TMTC2: variants seen among roughly 807,000 people sequenced by gnomAD.
TMTC2 encodes protein O-mannosyl-transferase TMTC2.
TMTC2 carries 43 observed loss-of-function variants against 82.4 expected under a neutral mutation model. The observed-to-expected ratio is 0.52, with a 90% CI of 0.41 to 0.67. TMTC2 has a LOEUF of 0.67. Among genes scored for constraint, TMTC2 ranks in the 30% least tolerant of loss-of-function variants. The probability of loss-of-function intolerance (pLI) is 0.00; values close to 1 mark genes in which losing one functional copy is unlikely to be tolerated. For synonymous variants in TMTC2, 408 were observed against 381.9 expected (o/e 1.07, Z -0.80); for missense variants, 919 against 1,012.4 (o/e 0.91, Z 1.25).
intron 1 of TMTC2, among the ~76,000 whole-genome samples, chr12:82,768,905 C>G (rs1877132080): frequency 6.6e-6 from 1 of 152,042 alleles, no homozygotes; most frequent in African/African-American, 2.4e-5. Context: ...CATGCTAATG[C>G]TTTTTCCTTA....
intron 11 of TMTC2, among the ~76,000 whole-genome samples, chr12:83,121,844 A>G (rs1240623281): frequency 1.4e-4 from 21 of 152,086 alleles, no homozygotes; most frequent in Non-Finnish European, 1.9e-4. Flanking sequence ...TGTTGGAGAT[A>G]GGGATGAGGT....
intron 1 of TMTC2, among the ~76,000 whole-genome samples, chr12:82,815,293 T>TTTAA (rs199636738): frequency 1.1e-4 from 17 of 150,562 alleles, no homozygotes; most frequent in South Asian, 8.4e-4. Context: ...ATTTATTTTT[T>TTTAA]TTAATTAATT....
intron 3 of TMTC2, among the ~76,000 whole-genome samples, chr12:82,917,513 A>G (rs1384242614): frequency 2.9e-4 from 44 of 152,248 alleles, no homozygotes; most frequent in Non-Finnish European, 1.3e-4. Context: ...AAACTGGATG[A>G]TAATGTAAGC....
chr12:82,935,119 T>G (rs2137250793), intron 4 of TMTC2, among the ~76,000 whole-genome samples: 1 of 152,262 alleles, frequency 6.6e-6, no homozygotes, highest in South Asian at 2.1e-4. Flanking sequence ...TGGTATAGAA[T>G]TTTGGTAAAA....
At chr12:82,986,132 C>G in intron 8 of TMTC2, 86 bp downstream of exon 8, 2 of 1,571,372 alleles carry the variant, frequency 1.3e-6, no homozygotes, top group Non-Finnish European at 1.7e-6. Context: ...GTTTTACAGC[C>G]AGTTATCTAA....
intron 4 of TMTC2, among the ~76,000 whole-genome samples, chr12:82,952,055 C>T (rs1201399058): frequency 6.6e-6 from 1 of 152,182 alleles, no homozygotes; most frequent in Non-Finnish European, 1.5e-5. Flanking sequence ...ATAGCTTTGT[C>T]TCTGGTATCT....
intron 1 of TMTC2, among the ~76,000 whole-genome samples, chr12:82,819,456 C>A (rs1283966407): frequency 6.7e-6 from 1 of 150,314 alleles, no homozygotes; most frequent in East Asian, 1.9e-4. Context: ...GAACTAGACA[C>A]TGTTGTTCAT....
chr12:83,057,694 A>G (rs1170023207), intron 10 of TMTC2, among the ~76,000 whole-genome samples: 2 of 151,740 alleles, frequency 1.3e-5, no homozygotes, highest in Non-Finnish European at 2.9e-5. Flanking sequence ...TTTTTATGTT[A>G]CATGAACAAC....
At chr12:82,916,876 T>G (rs1180531192) in intron 3 of TMTC2, among the ~76,000 whole-genome samples, 1 of 152,206 alleles carries the variant, frequency 6.6e-6, no homozygotes, top group African/African-American at 2.4e-5. Context: ...GAATTACATA[T>G]AAGTACATAG....
chr12:83,131,394 A>G (rs1885251959), intron 11 of TMTC2, among the ~76,000 whole-genome samples: 1 of 151,828 alleles, frequency 6.6e-6, no homozygotes, highest in Non-Finnish European at 1.5e-5. Context: ...AACTCATGCC[A>G]TGTAAAAAAC....
chr12:82,833,449 T>C (rs951713476), intron 1 of TMTC2, among the ~76,000 whole-genome samples: 3 of 152,230 alleles, frequency 2.0e-5, no homozygotes, highest in Non-Finnish European at 4.4e-5. Flanking sequence ...CAGTTTGGGC[T>C]CTGACAAGTC....
intron 11 of TMTC2, among the ~76,000 whole-genome samples, chr12:83,063,835 A>C (rs1416495520): frequency 6.6e-6 from 1 of 151,888 alleles, no homozygotes; most frequent in South Asian, 2.1e-4. Flanking sequence ...TATGTCAGAC[A>C]GTGATAAGTG....
chr12:82,915,221 T>C (rs1223487447), intron 3 of TMTC2, among the ~76,000 whole-genome samples: 1 of 152,190 alleles, frequency 6.6e-6, no homozygotes, highest in Non-Finnish European at 1.5e-5. Flanking sequence ...ATGTGGGTAT[T>C]GATTATAACT....
At chr12:83,058,710 C>T (rs886197456) in intron 10 of TMTC2, among the ~76,000 whole-genome samples, 2 of 151,822 alleles carry the variant, frequency 1.3e-5, no homozygotes, top group African/African-American at 4.8e-5. Flanking sequence ...CTACCTCACT[C>T]CTGGCTTTGT....
chr12:82,929,464 T>G (rs531393699), intron 3 of TMTC2, among the ~76,000 whole-genome samples: 24 of 152,312 alleles, frequency 1.6e-4, no homozygotes, highest in African/African-American at 5.5e-4. Flanking sequence ...CACAGGAGTT[T>G]TAAATTTCTT....
chr12:82,736,135 A>T (rs192190454), intron 1 of TMTC2, among the ~76,000 whole-genome samples: 1 of 152,340 alleles, frequency 6.6e-6, no homozygotes, highest in African/African-American at 2.4e-5. Context: ...AATGAGCAAT[A>T]GGATAAAGAA....
At chr12:82,876,067 T>C (rs1872513768) in intron 2 of TMTC2, among the ~76,000 whole-genome samples, 1 of 94,202 alleles carries the variant, frequency 1.1e-5, no homozygotes, top group South Asian at 3.3e-4. Context: ...GTGGTGGTGG[T>C]GATGATGATG....
chr12:83,122,439 T>C (rs893555373), intron 11 of TMTC2, among the ~76,000 whole-genome samples: 4 of 152,038 alleles, frequency 2.6e-5, no homozygotes, highest in African/African-American at 9.7e-5. Flanking sequence ...GAAGGACCCC[T>C]GTGAGGCCAG....
intron 8 of TMTC2, among the ~76,000 whole-genome samples, chr12:83,030,195 G>C (rs1482960808): frequency 6.6e-6 from 1 of 152,110 alleles, no homozygotes; most frequent in Non-Finnish European, 1.5e-5. Flanking sequence ...GCCTTAATCA[G>C]TCTAGAATGA....
Sources: allele counts gnomAD v4.1 joint callset (sites outside exome capture counted in the v4.1 genomes callset), GRCh38; gene constraint gnomAD v4.1.1; transcripts MANE v1.5; gene names NCBI Gene and HGNC (gene_info 2026-07-23, HGNC 2026-07-21).